Variants in DSG1 observed in about 807,000 individuals in gnomAD.
The protein encoded by DSG1 is desmoglein 1.
A neutral mutation model predicts 97.5 loss-of-function variants in DSG1; 39 were observed. The observed-to-expected ratio is 0.40, with a 90% CI of 0.31 to 0.52. DSG1 has a LOEUF of 0.52. DSG1 is among the 20% of genes least tolerant of loss of function. The probability of loss-of-function intolerance (pLI) is 0.53; values close to 1 mark genes in which losing one functional copy is unlikely to be tolerated. For synonymous variants in DSG1, 475 were observed against 443.4 expected (o/e 1.07, Z -0.90); for missense variants, 1,311 against 1,295.4 (o/e 1.01, Z -0.18).
chr18:31,323,014 T>C (rs1598696151), intron 1 of DSG1, among the ~76,000 whole-genome samples: 1 of 152,338 alleles, frequency 6.6e-6, no homozygotes, highest in Non-Finnish European at 1.5e-5. Flanking sequence ...GGGAAACTCA[T>C]TGAGGATGTA....
chr18:31,348,401 C>T (rs144033617), intron 14 of DSG1, among the ~76,000 whole-genome samples: 5,576 of 151,404 alleles, frequency 0.037, 363 homozygotes, highest in African/African-American at 0.13. Flanking sequence ...CAAGTCTTTG[C>T]TATTGTGAAT....
intron 14 of DSG1, among the ~76,000 whole-genome samples, chr18:31,351,274 C>T (rs1415897452): frequency 1.3e-4 from 20 of 150,256 alleles, no homozygotes; most frequent in East Asian, 5.8e-4. Flanking sequence ...TGTAGTTGAG[C>T]GGTTTTAAGT....
intron 14 of DSG1, among the ~76,000 whole-genome samples, chr18:31,350,384 G>A (rs1386076112): frequency 9.0e-6 from 1 of 110,882 alleles, no homozygotes; most frequent in African/African-American, 3.7e-5. Context: ...ATTTTATTGA[G>A]GATTTTTGCA....
rs1157048583 is a variant in DSG1, at chr18:31,355,280, G to T, written c.3084G>T (p.Gly1028=). The T allele has an allele frequency of 2.5e-6, 4 of 1,613,678 alleles. No homozygotes were observed. Among genetic ancestry groups the T allele is most frequent in the Non-Finnish European group, 3.4e-6 (4 of 1,179,790 alleles). The stretch of plus-strand genomic sequence containing the variant: ...ACCATCACTTTAACCAAACCATTGG[G>T]TCCGCCTCCCCTAGCACAGCTCGAA... The part of the protein sequence containing the change: ...SSDHHFNQTI[G]SASPSTARSR... Residue 1028 remains glycine, a synonymous_variant, in exon 15 of 15, where the codon GGG becomes GGT. Transcript: ENST00000257192.
rs1252756079 is a variant in DSG1 at position 31,343,458 on chromosome 18, T to A, written c.1696T>A (p.Phe566Ile). 6.2e-7 allele frequency: 1 copy of A among 1,614,044 alleles called. No homozygotes were observed. The highest frequency in any genetic ancestry group is 8.5e-7 in the Non-Finnish European group (1 of 1,180,012). Residue 566 changes from phenylalanine to isoleucine, a missense_variant, in exon 12 of 15, where the codon TTT becomes ATT. Physicochemically the swap from Phe to Ile is conservative, Grantham distance 21. This residue lies in a region of DSG1 where 1,038 missense variants were observed against 964.6 expected (regional missense o/e 1.08). Transcript: ENST00000257192. ...MGFLVLGLVP[F>I]LMICCDCGGA... ...TATCCCTCCACCACCAGTGGTCCCA[T>A]TTTTGATGATCTGTTGTGATTGTGG...
rs755340755 is a variant in DSG1, at chr18:31,354,407, C to T, written c.2211C>T (p.Ser737=). 4 of 1,614,160 alleles carry T rather than the reference C, an allele frequency of 2.5e-6. No homozygotes were observed. Among genetic ancestry groups the T allele is most frequent in the Non-Finnish European group, 3.4e-6 (4 of 1,180,028 alleles). Reference sequence around the variant, plus strand: ...CTGCTGGCTCTGTGGGTTGTTGTAGCTTCATTGGAGAAGACCTGGATGACA... The same window carrying T: ...CTGCTGGCTCTGTGGGTTGTTGTAGTTTCATTGGAGAAGACCTGGATGACA... ...GSPAGSVGCC[S]FIGEDLDDSF... is the part of the protein sequence containing the mutation. The change falls in exon 15 of 15, where the codon AGC becomes AGT. Residue 737 remains serine, a synonymous_variant. Transcript: ENST00000257192.
At chr18:31,326,640 T>C in intron 2 of DSG1, 24 bp downstream of exon 2, 2 of 1,582,502 alleles carry the variant, frequency 1.3e-6, no homozygotes, top group Non-Finnish European at 1.7e-6. Context: ...AATCCATTTT[T>C]CCAAATTTTT....
At chr18:31,345,128 T>C (rs536037855) in intron 13 of DSG1, among the ~76,000 whole-genome samples, 1 of 152,302 alleles carries the variant, frequency 6.6e-6, no homozygotes, top group South Asian at 2.1e-4. Context: ...TATTTACACA[T>C]TTGTTCCCAT....
Position 31,336,468 on chromosome 18 carries a change from G to T in DSG1, c.1120G>T (p.Val374Leu). 1 of 1,613,996 alleles carries T rather than the reference G, an allele frequency of 6.2e-7. No homozygotes were observed. The highest frequency in any genetic ancestry group is 8.5e-7 in the Non-Finnish European group (1 of 1,179,940). ...TAAACTGAAAGCATCTGCAATTTCT[G>T]TGACTGTGTTAAATGTAATTGAAGG... ...QYKLKASAIS[V>L]TVLNVIEGPV... Residue 374 changes from valine to leucine, a missense_variant, in exon 9 of 15, where the codon GTG becomes TTG. By Grantham distance (32) the Val-to-Leu change is conservative. Transcript: ENST00000257192.
At position 31,321,174 on chromosome 18, in the gene DSG1, T is replaced by C. The variant is rs367696380; in HGVS notation, c.48+2826T>C. Among the ~76,000 whole-genome samples, 21 of 152,210 alleles carry C rather than the reference T, an allele frequency of 1.4e-4. No homozygotes were observed. In the East Asian group the frequency reaches 3.7e-3, roughly 27 times the overall value. ...CACAGTTTGAACCGAACTGAAATTC[T>C]GTAAAATATGAGCAGGAGTTTTTAA... is the stretch of plus-strand genomic sequence containing the variant. On this transcript the variant is annotated intron_variant, in intron 1 of 14. Transcript: ENST00000257192.
Position 31,355,165 on chromosome 18 carries a change from C to T in DSG1, c.2969C>T (p.Ala990Val). The T allele has an allele frequency of 1.9e-6, 3 of 1,606,586 alleles. No homozygotes were observed. Among genetic ancestry groups the T allele is most frequent in the Non-Finnish European group, 2.6e-6 (3 of 1,175,380 alleles). The stretch of plus-strand genomic sequence containing the variant: ...ACCAGCATGGGTGCTGGGAGCGGTG[C>T]CCTGAGTGGAGCTGGCATAAGTGGT... ...VGTSMGAGSG[A>V]LSGAGISGGG... is the part of the protein sequence containing the mutation. The change falls in exon 15 of 15, where the codon GCC becomes GTC. Residue 990 changes from alanine (A) to valine (V), a missense_variant. Physicochemically the swap from Ala to Val is moderately conservative, Grantham distance 64. Transcript: ENST00000257192.
At chr18:31,350,436 T>G (rs372620884) in intron 14 of DSG1, among the ~76,000 whole-genome samples, 12 of 140,028 alleles carry the variant, frequency 8.6e-5, no homozygotes, top group African/African-American at 1.7e-4. Flanking sequence ...TCTCTTTTTT[T>G]GTTGTGTCTC....
intron 1 of DSG1, 48 bp from the exon 2 acceptor site, chr18:31,326,533 A>G: frequency 7.3e-7 from 1 of 1,364,430 alleles, no homozygotes; most frequent in Non-Finnish European, 1.0e-6. Flanking sequence ...ATAAATTTTA[A>G]AGCATTTAAT....
chr18:31,353,033 G>A (rs1438375460), intron 14 of DSG1, among the ~76,000 whole-genome samples: 1 of 149,936 alleles, frequency 6.7e-6, no homozygotes, highest in Non-Finnish European at 1.5e-5. Context: ...TCCTTTGGAG[G>A]AGGAGAGGTG....
intron 14 of DSG1, among the ~76,000 whole-genome samples, chr18:31,351,791 C>A (rs1217716740): frequency 6.6e-6 from 1 of 151,882 alleles, no homozygotes; most frequent in African/African-American, 2.4e-5. Context: ...AGGATTGCAA[C>A]CCCTGCCTTT....
rs935120326 is a variant in DSG1 at position 31,356,445 on chromosome 18, T to TA, written c.*1106dup. Reference sequence around the variant, plus strand: ...TGGGGAATTTTTTTTTAAGGGGATCTAAAAAAATGTTTTTAGAACATGTAA... The same window carrying TA: ...TGGGGAATTTTTTTTTAAGGGGATCTAAAAAAAATGTTTTTAGAACATGTAA... On this transcript the variant is annotated 3_prime_UTR_variant, in exon 15 of 15. Coordinates refer to ENST00000257192, the MANE Select transcript of DSG1 (RefSeq NM_001942.4). 3 of 152,094 alleles carry TA rather than the reference T, an allele frequency of 2.0e-5. No individual in the cohort carries two copies. Among genetic ancestry groups the TA allele is most frequent in the African/African-American group, 7.2e-5 (3 of 41,426 alleles). 9.4% of individuals were successfully genotyped at this position (152,094 alleles called of 1,614,324 possible).
chr18:31,345,055 C>T (rs954535331), intron 13 of DSG1, among the ~76,000 whole-genome samples: 4 of 152,170 alleles, frequency 2.6e-5, no homozygotes, highest in Admixed American at 1.3e-4. Flanking sequence ...GTTGACTCGT[C>T]GTATTCACTG....
chr18:31,328,079 T>C, intron 3 of DSG1, 110 bp from the exon 4 acceptor site: 1 of 1,119,348 alleles, frequency 8.9e-7, no homozygotes, highest in Non-Finnish European at 1.3e-6. Context: ...TGACAACATT[T>C]CCTAAATAAC....
At chr18:31,324,431 T>C (rs1009719985) in intron 1 of DSG1, among the ~76,000 whole-genome samples, 16 of 152,168 alleles carry the variant, frequency 1.1e-4, no homozygotes, top group African/African-American at 3.9e-4. Context: ...CGATTTCAAC[T>C]ATCCTGCCTG....
Sources: allele counts gnomAD v4.1 joint callset (sites outside exome capture counted in the v4.1 genomes callset), GRCh38; gene constraint gnomAD v4.1.1; regional missense constraint gnomAD v4.1.1; transcripts MANE v1.5; gene names NCBI Gene and HGNC (gene_info 2026-07-23, HGNC 2026-07-21).